BMPR1A: variants seen among roughly 807,000 people sequenced by gnomAD.
BMPR1A encodes bone morphogenetic protein receptor type-1A.
A neutral mutation model predicts 66.0 loss-of-function variants in BMPR1A; 7 were observed. The ratio of observed to expected loss-of-function variants is 0.11; its 90% CI spans 0.06 to 0.20. The LOEUF is 0.20. BMPR1A is among the 10% of genes least tolerant of loss of function. The probability of loss-of-function intolerance (pLI) is 1.00; values close to 1 mark genes in which losing one functional copy is unlikely to be tolerated. For synonymous variants in BMPR1A, 200 were observed against 229.7 expected, an observed-to-expected ratio of 0.87 and a Z score of 1.17; for missense variants, 408 against 669.1, an observed-to-expected ratio of 0.61 and a Z score of 4.31.
At chr10:86,880,603 C>G (rs1158511358) in intron 3 of BMPR1A, among the ~76,000 whole-genome samples, 1 of 152,162 alleles carries the variant, frequency 6.6e-6, no homozygotes, top group Non-Finnish European at 1.5e-5. Context: ...GTGAAAAAAG[C>G]AAGTTGCAAA....
At chr10:86,907,193 CAGTG>C (rs533566166) in intron 7 of BMPR1A, among the ~76,000 whole-genome samples, 181 of 152,360 alleles carry the variant, frequency 1.2e-3, no homozygotes, top group African/African-American at 4.1e-3. Context: ...GCCCTCTTGG[CAGTG>C]AGTGATTATT....
intron 1 of BMPR1A, among the ~76,000 whole-genome samples, chr10:86,772,128 T>TTG (rs1359186718): frequency 1.2e-4 from 6 of 52,054 alleles, no homozygotes; most frequent in African/African-American, 3.2e-4. Context: ...AGAGATAGGT[T>TTG]TTTTTTTTTT....
At chr10:86,865,660 C>T (rs1589752586) in intron 2 of BMPR1A, among the ~76,000 whole-genome samples, 1 of 152,124 alleles carries the variant, frequency 6.6e-6, no homozygotes, top group Non-Finnish European at 1.5e-5. Flanking sequence ...ATTATCTTCC[C>T]CTGCCCCCAC....
rs757536449 is a variant in BMPR1A, at chr10:86,878,971, A to AT, written c.67+2888dup. 7.4e-5 allele frequency among the ~76,000 whole-genome samples: 11 copies of AT among 147,702 alleles called. No homozygotes were observed. In the South Asian group the frequency reaches 1.1e-3, roughly 14 times the overall value. On this transcript the variant is annotated intron_variant, in intron 3 of 12. Coordinates refer to ENST00000372037, the MANE Select transcript of BMPR1A (RefSeq NM_004329.3). ...ATTAGAATGTTTTCCTCTACAAATA[A>AT]TTAAAAAAAAATTAAAAGAGCTTAA...
chr10:86,783,449 T>C (rs143661245), intron 1 of BMPR1A, among the ~76,000 whole-genome samples: 70 of 152,382 alleles, frequency 4.6e-4, no homozygotes, highest in African/African-American at 1.6e-3. Context: ...ATGTACATTT[T>C]AACAATATAA....
chr10:86,917,151 C>G lies in BMPR1A; in HGVS notation c.693C>G (p.Ala231=), dbSNP rs1060504906. 6.2e-7 allele frequency: 1 copy of G among 1,613,976 alleles called. No homozygotes were observed. Among genetic ancestry groups the G allele is most frequent in the African/African-American group, 1.3e-5 (1 of 74,998 alleles). The change falls in exon 9 of 13, where the codon GCC becomes GCG. Residue 231 remains alanine (A), a synonymous_variant. Transcript: ENST00000372037. ...GLPLLVQRTI[A]KQIQMVRQVG... ...CTATAAAGGTTCAGCGAACTATTGCCAAACAGATTCAGATGGTCCGGCAAG... is the reference window on the plus strand; with the variant it reads ...CTATAAAGGTTCAGCGAACTATTGCGAAACAGATTCAGATGGTCCGGCAAG...
At position 86,890,068 on chromosome 10, in the gene BMPR1A, A is replaced by G. The variant is rs1060503410; in HGVS notation, c.74A>G (p.Asn25Ser). The G allele has an allele frequency of 2.9e-5, 47 of 1,612,828 alleles. No homozygotes were observed. Among genetic ancestry groups the G allele is most frequent in the Admixed American group, 5.0e-5 (3 of 60,010 alleles). ...LFIISRVQGQ[N>S]LDSMLHGTGM... Reference sequence around the variant, plus strand: ...ATTCCATATTTGAATGCAGGACAGAATCTGGATAGTATGCTTCATGGCACT... The same window carrying G: ...ATTCCATATTTGAATGCAGGACAGAGTCTGGATAGTATGCTTCATGGCACT... Residue 25 changes from asparagine (N) to serine (S), a missense_variant, in exon 4 of 13, where the codon AAT becomes AGT. Asn to Ser is a conservative substitution (Grantham distance 46). This residue lies in a region of BMPR1A where 68 missense variants were observed against 83.0 expected (regional missense o/e 0.82). Transcript: ENST00000372037.
At chr10:86,813,186 A>C (rs1284662534) in intron 1 of BMPR1A, among the ~76,000 whole-genome samples, 1 of 152,110 alleles carries the variant, frequency 6.6e-6, no homozygotes, top group African/African-American at 2.4e-5. Context: ...ACACCTGTTA[A>C]AGCTCAAATT....
At chr10:86,915,867 A>G (rs761004045) in intron 8 of BMPR1A, among the ~76,000 whole-genome samples, 18 of 152,208 alleles carry the variant, frequency 1.2e-4, no homozygotes, top group Non-Finnish European at 2.4e-4. Context: ...AATGATCACT[A>G]ATGCTTCTGA....
At chr10:86,862,746 G>C (rs561953397) in intron 2 of BMPR1A, among the ~76,000 whole-genome samples, 45 of 151,904 alleles carry the variant, frequency 3.0e-4, no homozygotes, top group African/African-American at 1.0e-3. Context: ...AGAATGACTT[G>C]AGATTTTAGG....
intron 3 of BMPR1A, chr10:86,889,822 C>T (rs1843121852): frequency 3.9e-6 from 2 of 516,342 alleles, no homozygotes; most frequent in Non-Finnish European, 6.9e-6. Context: ...GTTTGTCTTT[C>T]ACTAGTGCAA....
Position 86,890,128 on chromosome 10 carries a change from A to G in BMPR1A, c.134A>G (p.Glu45Gly), listed in dbSNP as rs1564714807. ...TCAGACTCCGACCAGAAAAAGTCAG[A>G]AAATGGAGTAACCTTAGCACCAGAG... is the stretch of plus-strand genomic sequence containing the variant. ...MKSDSDQKKS[E>G]NGVTLAPEDT... Residue 45 changes from glutamate to glycine, a missense_variant, in exon 4 of 13, where the codon GAA (glutamate) becomes GGA (glycine). Physicochemically the swap from Glu to Gly is moderately conservative, Grantham distance 98. Around this residue, in one of 5 missense-constraint regions of BMPR1A, gnomAD observed 68 missense variants for 83.0 expected, o/e 0.82. Transcript: ENST00000372037. 1 of 1,614,144 alleles carries G rather than the reference A, an allele frequency of 6.2e-7. No individual in the cohort carries two copies. The highest frequency in any genetic ancestry group is 1.7e-5 in the Admixed American group (1 of 60,034).
At chr10:86,819,515 G>A (rs904326987) in intron 1 of BMPR1A, among the ~76,000 whole-genome samples, 3 of 152,116 alleles carry the variant, frequency 2.0e-5, no homozygotes, top group Admixed American at 2.0e-4. Flanking sequence ...TGGCCAGGAT[G>A]GTCTCGATCT....
chr10:86,808,705 G>A (rs972131001), intron 1 of BMPR1A, among the ~76,000 whole-genome samples: 1 of 152,196 alleles, frequency 6.6e-6, no homozygotes, highest in Non-Finnish European at 1.5e-5. Flanking sequence ...TTTAAACTGT[G>A]AAGTGCTACA....
At chr10:86,873,638 T>C (rs1463458731) in intron 2 of BMPR1A, among the ~76,000 whole-genome samples, 2 of 151,962 alleles carry the variant, frequency 1.3e-5, no homozygotes, top group Non-Finnish European at 2.9e-5. Context: ...GTGATTCTAG[T>C]AGAAATATTT....
intron 1 of BMPR1A, among the ~76,000 whole-genome samples, chr10:86,790,293 T>A (rs1229314281): frequency 7.4e-6 from 1 of 134,922 alleles, no homozygotes; most frequent in East Asian, 2.2e-4. Flanking sequence ...ATCAAAAAGA[T>A]AGATAATAAC....
At chr10:86,759,769 A>G (rs1841002785) in intron 1 of BMPR1A, among the ~76,000 whole-genome samples, 1 of 152,106 alleles carries the variant, frequency 6.6e-6, no homozygotes, top group South Asian at 2.1e-4. Context: ...GAAAGTTTGG[A>G]AGACCTCCCC....
At chr10:86,829,960 G>A (rs1007903602) in intron 1 of BMPR1A, among the ~76,000 whole-genome samples, 1 of 152,152 alleles carries the variant, frequency 6.6e-6, no homozygotes, top group African/African-American at 2.4e-5. Flanking sequence ...GTTAAAGCAT[G>A]GGAAGGAAGA....
chr10:86,871,932 T>C (rs1384199102), intron 2 of BMPR1A, among the ~76,000 whole-genome samples: 1 of 152,218 alleles, frequency 6.6e-6, no homozygotes, highest in Non-Finnish European at 1.5e-5. Context: ...TGGTTGTATC[T>C]CAAGTGGAGT....
Sources: allele counts gnomAD v4.1 joint callset (sites outside exome capture counted in the v4.1 genomes callset), GRCh38; gene constraint gnomAD v4.1.1; regional missense constraint gnomAD v4.1.1; transcripts MANE v1.5; gene names NCBI Gene and HGNC (gene_info 2026-07-23, HGNC 2026-07-21).